PIP4K2A: variants seen among roughly 807,000 people sequenced by gnomAD.
The protein encoded by PIP4K2A is phosphatidylinositol 5-phosphate 4-kinase type-2 alpha.
PIP4K2A carries 14 observed loss-of-function variants against 42.9 expected under a neutral mutation model. That is an observed-to-expected ratio of 0.33 (90% CI 0.22 to 0.51). The LOEUF (loss-of-function observed/expected upper bound fraction) is 0.51. Among genes scored for constraint, PIP4K2A ranks in the 20% least tolerant of loss-of-function variants. The probability of loss-of-function intolerance (pLI) is 0.97; values close to 1 mark genes in which losing one functional copy is unlikely to be tolerated. For synonymous variants in PIP4K2A, 192 were observed against 192.2 expected (o/e 1.00, Z 0.01); for missense variants, 434 against 519.8 (o/e 0.83, Z 1.61).
chr10:22,664,120 T>C (rs1352065483), intron 1 of PIP4K2A, among the ~76,000 whole-genome samples: 17 of 69,584 alleles, frequency 2.4e-4, no homozygotes, highest in African/African-American at 1.1e-3. Flanking sequence ...TATATACATA[T>C]ATATATATAC....
At chr10:22,670,195 A>G (rs1839423283) in intron 1 of PIP4K2A, among the ~76,000 whole-genome samples, 1 of 152,182 alleles carries the variant, frequency 6.6e-6, no homozygotes, top group South Asian at 2.1e-4. Flanking sequence ...CCTGGGCAAC[A>G]TGGTGAAATC....
intron 4 of PIP4K2A, among the ~76,000 whole-genome samples, chr10:22,574,473 T>C (rs546555846): frequency 6.6e-6 from 1 of 151,056 alleles, no homozygotes; most frequent in South Asian, 2.1e-4. Context: ...ATGAGCATTT[T>C]ATAAAAAATA....
chr10:22,623,172 T>TA (rs569524054), intron 1 of PIP4K2A, among the ~76,000 whole-genome samples: 12 of 149,966 alleles, frequency 8.0e-5, no homozygotes, highest in South Asian at 2.1e-4. Flanking sequence ...ACTTTTTTTT[T>TA]AAAAAAAAAG....
intron 1 of PIP4K2A, among the ~76,000 whole-genome samples, chr10:22,673,195 G>A (rs1839488993): frequency 6.6e-6 from 1 of 152,164 alleles, no homozygotes; most frequent in African/African-American, 2.4e-5. Flanking sequence ...ATTACTTCCT[G>A]CCAAGGATGG....
intron 1 of PIP4K2A, among the ~76,000 whole-genome samples, chr10:22,664,812 T>C (rs1307499729): frequency 1.3e-5 from 2 of 152,174 alleles, no homozygotes; most frequent in African/African-American, 4.8e-5. Flanking sequence ...GTGAGAACTC[T>C]GTTTGGGTGA....
chr10:22,601,509 G>A (rs1046916325), intron 3 of PIP4K2A, among the ~76,000 whole-genome samples: 8 of 152,192 alleles, frequency 5.3e-5, no homozygotes, highest in African/African-American at 1.7e-4. Context: ...GTGCGTCTCT[G>A]AGCAGGGTGG....
At chr10:22,668,042 C>T (rs1187925453) in intron 1 of PIP4K2A, among the ~76,000 whole-genome samples, 1 of 152,036 alleles carries the variant, frequency 6.6e-6, no homozygotes, top group Admixed American at 6.6e-5. Flanking sequence ...ACCTCCGCCT[C>T]CCAGGTTCAA....
chr10:22,641,159 G>A (rs929153266), intron 1 of PIP4K2A, among the ~76,000 whole-genome samples: 1 of 152,058 alleles, frequency 6.6e-6, no homozygotes, highest in Non-Finnish European at 1.5e-5. Flanking sequence ...TTTTAGACTC[G>A]GAGGGTACTC....
chr10:22,675,500 C>T (rs1210918239), intron 1 of PIP4K2A, among the ~76,000 whole-genome samples: 3 of 152,094 alleles, frequency 2.0e-5, no homozygotes, highest in South Asian at 2.1e-4. Flanking sequence ...GCAGGAGAAT[C>T]GCTTGAACCC....
At chr10:22,552,559 C>T (rs1836439779) in intron 6 of PIP4K2A, among the ~76,000 whole-genome samples, 1 of 151,996 alleles carries the variant, frequency 6.6e-6, no homozygotes, top group Admixed American at 6.6e-5. Context: ...GGTTTCTCTC[C>T]TATTAGAACT....
intron 3 of PIP4K2A, among the ~76,000 whole-genome samples, chr10:22,595,404 AT>A (rs1837611464): frequency 6.6e-6 from 1 of 152,222 alleles, no homozygotes; most frequent in Admixed American, 6.5e-5. Flanking sequence ...ATAAAGTAAA[AT>A]TGTTTATGTA....
chr10:22,559,731 T>C (rs1263943303), intron 6 of PIP4K2A, among the ~76,000 whole-genome samples: 4 of 152,204 alleles, frequency 2.6e-5, no homozygotes, highest in Non-Finnish European at 5.9e-5. Flanking sequence ...AGGCCAGGAC[T>C]TCTCCAAGTG....
At chr10:22,554,769 G>T (rs533845188) in intron 6 of PIP4K2A, among the ~76,000 whole-genome samples, 1 of 152,198 alleles carries the variant, frequency 6.6e-6, no homozygotes, top group Non-Finnish European at 1.5e-5. Context: ...TTGCTGGGAG[G>T]GGACGAGGGT....
intron 1 of PIP4K2A, among the ~76,000 whole-genome samples, chr10:22,626,074 C>T (rs1838429013): frequency 6.6e-6 from 1 of 152,066 alleles, no homozygotes; most frequent in African/African-American, 2.4e-5. Flanking sequence ...TATAGCCATC[C>T]TGCGTGGTCC....
Position 22,537,176 on chromosome 10 carries a change from T to C in PIP4K2A, c.*25A>G, listed in dbSNP as rs1187707298. The stretch of plus-strand genomic sequence containing the variant: ...GCCACCTCTGTCCATCCAATGTTCA[T>C]GTCTGTCCGAGGCTGCGCAGGAGGT... On this transcript the variant is annotated 3_prime_UTR_variant, in exon 10 of 10. Coordinates refer to ENST00000376573, the MANE Select transcript of PIP4K2A (RefSeq NM_005028.5). The C allele has an allele frequency of 1.5e-5, 23 of 1,571,360 alleles. No homozygotes were observed. Among genetic ancestry groups the C allele is most frequent in the East Asian group, 4.6e-5 (2 of 43,806 alleles).
chr10:22,660,428 G>A (rs1322724730), intron 1 of PIP4K2A, among the ~76,000 whole-genome samples: 2 of 151,884 alleles, frequency 1.3e-5, no homozygotes, highest in Non-Finnish European at 2.9e-5. Flanking sequence ...CTGAGATCAC[G>A]CCACTGCACT....
chr10:22,613,549 G>A (rs115519386), intron 1 of PIP4K2A, among the ~76,000 whole-genome samples: 1 of 152,156 alleles, frequency 6.6e-6, no homozygotes, highest in Non-Finnish European at 1.5e-5. Flanking sequence ...TTTCTCTGGG[G>A]ATTAGGGCCA....
In PIP4K2A at chr10:22,539,885, AGG is replaced by A. The variant is rs1564410841; in HGVS notation, c.1140+84_1140+85del. Reference sequence around the variant, plus strand: ...GAGTTACAGGTCACACAGAGGAGCCAGGAGAGAGAGAGAGAGAGAGAGAGAGG... The same window carrying A: ...GAGTTACAGGTCACACAGAGGAGCCAAGAGAGAGAGAGAGAGAGAGAGAGG... On this transcript the variant is annotated intron_variant, in intron 9 of 9. Transcript: ENST00000376573. 1.2e-5 allele frequency: 9 copies of A among 759,878 alleles called. No homozygotes were observed. In the African/African-American group the frequency reaches 1.9e-4, roughly 16 times the overall value. 47.1% of individuals were successfully genotyped at this position (759,878 alleles called of 1,614,324 possible).
Position 22,632,057 on chromosome 10 carries a change from G to T in PIP4K2A, c.145-22340C>A, listed in dbSNP as rs539135293. ...TGTAATCATTAGGAAGCAAGCTCTCGGTGAGAGCCATTCTACAAAATAACC... is the reference window on the plus strand; with the variant it reads ...TGTAATCATTAGGAAGCAAGCTCTCTGTGAGAGCCATTCTACAAAATAACC... On this transcript the variant is annotated intron_variant, in intron 1 of 9. Transcript: ENST00000376573. 3.9e-5 allele frequency among the ~76,000 whole-genome samples: 6 copies of T among 152,056 alleles called. 1 individual carries two copies. The highest frequency in any genetic ancestry group is 8.8e-5 in the Non-Finnish European group (6 of 68,026).
Sources: allele counts gnomAD v4.1 joint callset (sites outside exome capture counted in the v4.1 genomes callset), GRCh38; gene constraint gnomAD v4.1.1; transcripts MANE v1.5; gene names NCBI Gene and HGNC (gene_info 2026-07-23, HGNC 2026-07-21).